NOL10: variants seen among roughly 807,000 people sequenced by gnomAD.
NOL10 encodes the protein H_NH0074G24.1.
A neutral mutation model predicts 103.5 loss-of-function variants in NOL10; 58 were observed. That is an observed-to-expected ratio of 0.56 (90% CI 0.45 to 0.70). NOL10 has a LOEUF of 0.70. Among genes scored for constraint, NOL10 ranks in the 30% least tolerant of loss-of-function variants. NOL10 has a pLI of 0.00. For synonymous variants in NOL10, 287 were observed against 282.5 expected, an observed-to-expected ratio of 1.02 and a Z score of -0.16; for missense variants, 763 against 807.3, an observed-to-expected ratio of 0.95 and a Z score of 0.67.
At chr2:10,682,218 C>T in intron 2 of NOL10, 149 bp from the exon 3 acceptor site, 1 of 391,810 alleles carries the variant, frequency 2.6e-6, no homozygotes, top group Non-Finnish European at 4.5e-6. Flanking sequence ...GTCACCAGCA[C>T]AGCCCAACCA....
intron 6 of NOL10, among the ~76,000 whole-genome samples, chr2:10,670,845 A>G (rs926389711): frequency 1.3e-5 from 2 of 152,240 alleles, no homozygotes; most frequent in Non-Finnish European, 2.9e-5. Context: ...TTAGTTTCTT[A>G]AATACATTTA....
At chr2:10,614,659 C>T (rs1487311330) in intron 13 of NOL10, among the ~76,000 whole-genome samples, 1 of 152,152 alleles carries the variant, frequency 6.6e-6, no homozygotes, top group Non-Finnish European at 1.5e-5. Context: ...CAGGTCCAGT[C>T]AGGGTTTACC....
At chr2:10,640,790 A>G (rs572723401) in intron 13 of NOL10, among the ~76,000 whole-genome samples, 1 of 152,204 alleles carries the variant, frequency 6.6e-6, no homozygotes, top group African/African-American at 2.4e-5. Context: ...CATGTCATAA[A>G]CCAGCCAATG....
intron 10 of NOL10, 79 bp downstream of exon 10, chr2:10,659,093 T>G (rs1400081918): frequency 3.2e-6 from 3 of 923,752 alleles, no homozygotes; most frequent in Non-Finnish European, 5.2e-6. Context: ...TTTCTGTTCC[T>G]GCAGTGTATT....
At chr2:10,625,685 T>C (rs769496034) in intron 13 of NOL10, among the ~76,000 whole-genome samples, 1 of 151,938 alleles carries the variant, frequency 6.6e-6, no homozygotes, top group Non-Finnish European at 1.5e-5. Context: ...ACGGTGCTAG[T>C]AATACAGTAT....
chr2:10,580,783 A>G (rs1316778971), intron 19 of NOL10, among the ~76,000 whole-genome samples: 1 of 152,082 alleles, frequency 6.6e-6, no homozygotes, highest in African/African-American at 2.4e-5. Flanking sequence ...TCCTCAGATG[A>G]GAGGTTTTGA....
At chr2:10,612,137 A>G (rs1558289071) in intron 13 of NOL10, among the ~76,000 whole-genome samples, 1 of 152,116 alleles carries the variant, frequency 6.6e-6, no homozygotes, top group Non-Finnish European at 1.5e-5. Context: ...AACAATAAAA[A>G]TAAAAATAAA....
intron 13 of NOL10, among the ~76,000 whole-genome samples, chr2:10,615,225 T>C (rs1676771064): frequency 6.6e-6 from 1 of 152,238 alleles, no homozygotes; most frequent in African/African-American, 2.4e-5. Context: ...AAGAAGCAAT[T>C]TAATTTCAAC....
intron 13 of NOL10, among the ~76,000 whole-genome samples, chr2:10,639,635 C>T (rs1462851096): frequency 6.6e-6 from 1 of 152,078 alleles, no homozygotes; most frequent in East Asian, 1.9e-4. Context: ...GGTTGGGTGC[C>T]ATAGGGGACT....
rs2287060 is a variant in NOL10 at position 10,578,242 on chromosome 2, G to A, written c.1845-504C>T. On this transcript the variant is annotated intron_variant, in intron 19 of 20. Coordinates refer to ENST00000381685, the MANE Select transcript of NOL10 (RefSeq NM_024894.4). ...ACAGAGAAGAGCTATGATAATTCTC[G>A]TTTTTCCTTCACTCAGTCTTAACTC... Among the ~76,000 whole-genome samples the A allele has an allele frequency of 8.7e-4, 132 of 152,260 alleles. 1 individual carries two copies. The East Asian group carries it at 0.013, about 16-fold the overall frequency.
chr2:10,580,240 T>C (rs927229753), intron 19 of NOL10, among the ~76,000 whole-genome samples: 4 of 152,202 alleles, frequency 2.6e-5, no homozygotes, highest in Admixed American at 6.5e-5. Flanking sequence ...AAATTCCTTA[T>C]TGAACAGAAA....
chr2:10,582,281 TGAA>T (rs776467768), intron 19 of NOL10, among the ~76,000 whole-genome samples: 1 of 152,128 alleles, frequency 6.6e-6, no homozygotes, highest in Admixed American at 6.5e-5. Context: ...AGCTACCCGG[TGAA>T]GAAGATGAGC....
chr2:10,684,732 G>C, intron 1 of NOL10, 120 bp from the exon 2 acceptor site: 1 of 682,098 alleles, frequency 1.5e-6, no homozygotes, highest in Non-Finnish European at 2.5e-6. Context: ...TATAACATAG[G>C]AAGCAAAAAA....
intron 5 of NOL10, among the ~76,000 whole-genome samples, chr2:10,672,251 C>T (rs1680999844): frequency 6.6e-6 from 1 of 152,106 alleles, no homozygotes; most frequent in East Asian, 1.9e-4. Context: ...CGCTTGAACC[C>T]AGGAGCCGGA....
chr2:10,602,460 G>A (rs1339028034), intron 16 of NOL10, among the ~76,000 whole-genome samples: 3 of 152,276 alleles, frequency 2.0e-5, no homozygotes, highest in East Asian at 1.9e-4. Flanking sequence ...AGCAAAGCCC[G>A]GATACTCCAA....
chr2:10,617,345 T>C (rs1047847696), intron 13 of NOL10, among the ~76,000 whole-genome samples: 25 of 152,318 alleles, frequency 1.6e-4, no homozygotes, highest in African/African-American at 6.0e-4. Context: ...TGGCAGAGGC[T>C]GGGCGACTGA....
intron 1 of NOL10, among the ~76,000 whole-genome samples, chr2:10,686,422 G>C (rs1682208436): frequency 6.6e-6 from 1 of 152,200 alleles, no homozygotes; most frequent in African/African-American, 2.4e-5. Context: ...GCTGAGCTCA[G>C]AGAGGAGGGC....
chr2:10,577,758 A>C lies in NOL10; in HGVS notation c.1845-20T>G. On this transcript the variant is annotated intron_variant, in intron 19 of 20. Coordinates refer to ENST00000381685, the MANE Select transcript of NOL10 (RefSeq NM_024894.4). ...GTTTTGCTATGGGAAATTCAAAAGA[A>C]TGCCACATTAATCAAAATTATGTTT... is the stretch of plus-strand genomic sequence containing the variant. The C allele has an allele frequency of 1.4e-6, 2 of 1,459,572 alleles. No individual in the cohort carries two copies. The highest frequency in any genetic ancestry group is 1.9e-6 in the Non-Finnish European group (2 of 1,052,060). 90.4% of individuals were successfully genotyped at this position (1,459,572 alleles called of 1,614,324 possible). A position where few individuals can be genotyped will look rare whatever the true frequency, so the allele number is the denominator to read the frequency against.
At chr2:10,622,907 C>T (rs1316973724) in intron 13 of NOL10, among the ~76,000 whole-genome samples, 1 of 152,020 alleles carries the variant, frequency 6.6e-6, no homozygotes, top group Non-Finnish European at 1.5e-5. Context: ...TCTATTCCAC[C>T]TTACCTCTGT....
Sources: allele counts gnomAD v4.1 joint callset (sites outside exome capture counted in the v4.1 genomes callset), GRCh38; gene constraint gnomAD v4.1.1; transcripts MANE v1.5; gene names NCBI Gene and HGNC (gene_info 2026-07-23, HGNC 2026-07-21).